TIMM23B: variants seen among roughly 807,000 people sequenced by gnomAD.
TIMM23B encodes the protein translocase of inner mitochondrial membrane 23 homolog B, also known as mitochondrial import inner membrane translocase subunit Tim23B.
Under a neutral mutation model 27.3 loss-of-function variants are expected in TIMM23B, and 27 were observed. The ratio of observed to expected loss-of-function variants is 0.99; its 90% confidence interval spans 0.73 to 1.36. The LOEUF is 1.36. TIMM23B is among the 40% of genes most tolerant of loss of function. The pLI is 0.00. For synonymous variants in TIMM23B, 73 were observed against 92.4 expected, an observed-to-expected ratio of 0.79 and a Z score of 1.21; for missense variants, 205 against 244.2, an observed-to-expected ratio of 0.84 and a Z score of 1.07.
intron 2 of TIMM23B, among the ~76,000 whole-genome samples, chr10:49,950,402 G>GT (rs1839488671): frequency 6.6e-6 from 1 of 151,236 alleles, no homozygotes; most frequent in African/African-American, 2.4e-5. Context: ...CCTTGTTTGT[G>GT]TGTGAATTGA....
In TIMM23B at chr10:49,949,930, C is replaced by T. The variant is rs1472860372; in HGVS notation, c.166-2196C>T. Among the ~76,000 whole-genome samples, 5 of 151,944 alleles carry T rather than the reference C, an allele frequency of 3.3e-5. No individual in the cohort carries two copies. The East Asian group carries it at 9.7e-4, about 29-fold the overall frequency. On this transcript the variant is annotated intron_variant, in intron 2 of 6. Coordinates refer to ENST00000651259, the MANE Select transcript of TIMM23B (RefSeq NM_001290117.2). Reference sequence around the variant, plus strand: ...GAACTCCTGGGTTCAAGCAGTCCTCCCACCTTGGCCTCCCAAAGTGCTGGG... The same window carrying T: ...GAACTCCTGGGTTCAAGCAGTCCTCTCACCTTGGCCTCCCAAAGTGCTGGG...
chr10:49,971,940 C>T (rs1304480564), intron 6 of TIMM23B, among the ~76,000 whole-genome samples: 18 of 152,230 alleles, frequency 1.2e-4, no homozygotes, highest in Middle Eastern at 3.4e-3. Context: ...AAGATCCCTT[C>T]GTTGGTTTAG....
intron 1 of TIMM23B, among the ~76,000 whole-genome samples, chr10:49,944,096 A>G (rs1292967611): frequency 5.3e-5 from 8 of 152,370 alleles, no homozygotes; most frequent in African/African-American, 1.7e-4. Flanking sequence ...AGTTGGATCA[A>G]TTGAAGCTTG....
intron 6 of TIMM23B, among the ~76,000 whole-genome samples, chr10:49,971,200 C>T (rs1840429597): frequency 6.6e-6 from 1 of 152,050 alleles, no homozygotes; most frequent in Non-Finnish European, 1.5e-5. Context: ...CGGAAGGCCG[C>T]AGGGTCCTCT....
Position 49,945,116 on chromosome 10 carries a change from G to A in TIMM23B, c.165+26G>A, listed in dbSNP as rs1450441805. On this transcript the variant is annotated intron_variant, in intron 2 of 6. Transcript: ENST00000651259. ...GTAAGACTAAGATTTTACTAGTTTG[G>A]TGCATTATTTTACCATTTTTAAAAA... The A allele has an allele frequency of 1.3e-5, 21 of 1,610,122 alleles. No homozygotes were observed. The African/African-American group carries it at 2.4e-4, about 18-fold the overall frequency.
At chr10:49,963,520 C>T (rs1299327585) in intron 6 of TIMM23B, among the ~76,000 whole-genome samples, 2 of 151,632 alleles carry the variant, frequency 1.3e-5, no homozygotes, top group African/African-American at 4.8e-5. Context: ...CAATGAAATG[C>T]CGGGTGAAAT....
intron 6 of TIMM23B, among the ~76,000 whole-genome samples, chr10:49,966,368 TGAAAC>T (rs1346167837): frequency 5.9e-4 from 86 of 146,080 alleles, no homozygotes; most frequent in African/African-American, 2.2e-3. Context: ...CGAAATGAAA[TGAAAC>T]GAAATGAAGA....
At chr10:49,961,766 A>T (rs1212039126) in intron 6 of TIMM23B, among the ~76,000 whole-genome samples, 1 of 149,016 alleles carries the variant, frequency 6.7e-6, no homozygotes, top group South Asian at 2.2e-4. Flanking sequence ...CACCCAGCTA[A>T]TTTTTTTCAT....
intron 2 of TIMM23B, among the ~76,000 whole-genome samples, chr10:49,947,421 A>G (rs1295763564): frequency 6.6e-6 from 1 of 152,112 alleles, no homozygotes; most frequent in African/African-American, 2.4e-5. Flanking sequence ...CAGCCTGGCC[A>G]ACATGGTGAA....
At chr10:49,945,643 C>T (rs1189405115) in intron 2 of TIMM23B, among the ~76,000 whole-genome samples, 17 of 152,210 alleles carry the variant, frequency 1.1e-4, no homozygotes, top group Admixed American at 1.0e-3. Flanking sequence ...GCTCAGTTTA[C>T]AATATCAGGG....
chr10:49,964,310 A>T (rs559380907), intron 6 of TIMM23B, among the ~76,000 whole-genome samples: 1 of 151,980 alleles, frequency 6.6e-6, no homozygotes, highest in Admixed American at 6.6e-5. Flanking sequence ...CTCCGTCTTG[A>T]AATGAAATGA....
chr10:49,971,349 A>T (rs1471241596), intron 6 of TIMM23B, among the ~76,000 whole-genome samples: 2 of 151,220 alleles, frequency 1.3e-5, no homozygotes, highest in Non-Finnish European at 1.5e-5. Flanking sequence ...AAAAAAAAAA[A>T]TACTGCAAGA....
intron 1 of TIMM23B, among the ~76,000 whole-genome samples, chr10:49,944,749 G>T (rs1480555667): frequency 6.6e-6 from 1 of 152,162 alleles, no homozygotes; most frequent in Non-Finnish European, 1.5e-5. Context: ...AAATGGCCTG[G>T]ACTACACTTC....
Position 49,963,825 on chromosome 10 carries a change from C to T in TIMM23B, c.514+5345C>T, listed in dbSNP as rs182060923. ...TACTAAAATACAAAAACTAGCCGGG[C>T]ATGATAGCGGGTGCCTGTAATCCCA... On this transcript the variant is annotated intron_variant, in intron 6 of 6. Transcript: ENST00000651259. Among the ~76,000 whole-genome samples, 17 of 152,206 alleles carry T rather than the reference C, an allele frequency of 1.1e-4. No homozygotes were observed. In the East Asian group the frequency reaches 3.3e-3, roughly 29 times the overall value.
intron 6 of TIMM23B, among the ~76,000 whole-genome samples, chr10:49,965,037 A>T (rs1375750989): frequency 6.6e-6 from 1 of 152,236 alleles, no homozygotes; most frequent in African/African-American, 2.4e-5. Context: ...CCTGGCCAAC[A>T]TGGTGAAACC....
At chr10:49,962,276 C>T (rs1169383988) in intron 6 of TIMM23B, among the ~76,000 whole-genome samples, 3 of 151,186 alleles carry the variant, frequency 2.0e-5, no homozygotes, top group Non-Finnish European at 2.9e-5. Context: ...AATCTTGGCT[C>T]ACTGCAACCT....
At chr10:49,956,389 CT>C (rs1182381490) in intron 5 of TIMM23B, among the ~76,000 whole-genome samples, 8,751 of 143,316 alleles carry the variant, frequency 0.061, 711 homozygotes, top group African/African-American at 0.18. Flanking sequence ...TCAAACCTCA[CT>C]TTTTTTTTAA....
chr10:49,952,556 A>G, intron 4 of TIMM23B, 23 bp downstream of exon 4: 2 of 1,612,000 alleles, frequency 1.2e-6, no homozygotes, highest in Non-Finnish European at 1.7e-6. Flanking sequence ...TAACCATCTG[A>G]TGTAGTGATA....
chr10:49,959,973 T>A (rs1839844087), intron 6 of TIMM23B, among the ~76,000 whole-genome samples: 1 of 151,698 alleles, frequency 6.6e-6, no homozygotes, highest in African/African-American at 2.4e-5. Flanking sequence ...GGTCTCAAAC[T>A]CCTGACCTCA....
Sources: allele counts gnomAD v4.1 joint callset (sites outside exome capture counted in the v4.1 genomes callset), GRCh38; gene constraint gnomAD v4.1.1; transcripts MANE v1.5; gene names NCBI Gene and HGNC (gene_info 2026-07-23, HGNC 2026-07-21).